The following ARK2N variants were observed in gnomAD, a reference collection of about 807,000 sequenced individuals.
ARK2N encodes protein ARK2N.
the ARK2N span, chr18:46,231,655 G>A: frequency 7.4e-6 from 1 of 135,668 alleles, no homozygotes; most frequent in African/African-American, 2.8e-5. Flanking sequence ...TATTGCTTTT[G>A]TCATTCCCTG....
chr18:46,197,999 T>C, the ARK2N span, among the ~76,000 whole-genome samples: 1 of 152,226 alleles, frequency 6.6e-6, no homozygotes, highest in Middle Eastern at 3.4e-3. Context: ...TCCTACGATA[T>C]TTCCATTTTT....
the ARK2N span, among the ~76,000 whole-genome samples, chr18:46,208,577 C>G: frequency 6.9e-6 from 1 of 143,970 alleles, no homozygotes; most frequent in Non-Finnish European, 1.5e-5. Flanking sequence ...TCAAGCAGTT[C>G]TCCTGCGTCA....
the ARK2N span, among the ~76,000 whole-genome samples, chr18:46,182,486 G>C: frequency 3.9e-5 from 6 of 152,280 alleles, no homozygotes; most frequent in Admixed American, 2.6e-4. Flanking sequence ...GCTCACACCT[G>C]TAATCTCAGC....
chr18:46,225,428 T>C, the ARK2N span, among the ~76,000 whole-genome samples: 1 of 152,354 alleles, frequency 6.6e-6, no homozygotes, highest in East Asian at 1.9e-4. Flanking sequence ...AGAAATAATA[T>C]GCTTTTGCCC....
the ARK2N span, chr18:46,264,604 A>G: frequency 6.5e-6 from 1 of 152,878 alleles, no homozygotes; most frequent in Non-Finnish European, 1.5e-5. Context: ...CCTGCTCTGC[A>G]TAAGGCACTG....
chr18:46,259,487 C>T, the ARK2N span, among the ~76,000 whole-genome samples: 14 of 152,252 alleles, frequency 9.2e-5, no homozygotes, highest in African/African-American at 3.1e-4. Flanking sequence ...CATGATCCGC[C>T]TACCTCGGCC....
At chr18:46,237,540 A>C in the ARK2N span, among the ~76,000 whole-genome samples, 1 of 151,978 alleles carries the variant, frequency 6.6e-6, no homozygotes, top group Non-Finnish European at 1.5e-5. Flanking sequence ...GGTGTGCGCC[A>C]CCACACTCAG....
the ARK2N span, among the ~76,000 whole-genome samples, chr18:46,252,977 C>T: frequency 6.6e-6 from 1 of 152,134 alleles, no homozygotes; most frequent in Non-Finnish European, 1.5e-5. Flanking sequence ...CCCCCAGTGC[C>T]ACAAACTGTT....
the ARK2N span, among the ~76,000 whole-genome samples, chr18:46,184,451 G>A: frequency 6.6e-6 from 1 of 152,110 alleles, no homozygotes; most frequent in African/African-American, 2.4e-5. Flanking sequence ...GCCAGGTGTT[G>A]TGGCTCACAC....
chr18:46,229,324 C>T, the ARK2N span, among the ~76,000 whole-genome samples: 1 of 152,004 alleles, frequency 6.6e-6, no homozygotes, highest in Non-Finnish European at 1.5e-5. Flanking sequence ...ATATTACAGA[C>T]ATTTAAAAAA....
At chr18:46,256,363 T>G in the ARK2N span, among the ~76,000 whole-genome samples, 1 of 152,316 alleles carries the variant, frequency 6.6e-6, no homozygotes, top group East Asian at 1.9e-4. Context: ...ACCACACTTA[T>G]TTTTAGCTTC....
chr18:46,188,294 G>A, the ARK2N span, among the ~76,000 whole-genome samples: 2 of 152,070 alleles, frequency 1.3e-5, no homozygotes, highest in Admixed American at 6.6e-5. Context: ...TCTGCCTCCC[G>A]GGTTCAAGTG....
At chr18:46,200,114 G>A in the ARK2N span, among the ~76,000 whole-genome samples, 1 of 151,870 alleles carries the variant, frequency 6.6e-6, no homozygotes, top group Non-Finnish European at 1.5e-5. Flanking sequence ...TGGGGGCAGA[G>A]GGTGTATTTT....
the ARK2N span, among the ~76,000 whole-genome samples, chr18:46,182,683 C>CTTTTTT: frequency 3.6e-4 from 32 of 87,782 alleles, no homozygotes; most frequent in Non-Finnish European, 4.3e-4. Context: ...AGCCACAGTG[C>CTTTTTT]TTTTTTTTTT....
chr18:46,249,978 C>T, the ARK2N span, among the ~76,000 whole-genome samples: 2 of 152,114 alleles, frequency 1.3e-5, no homozygotes, highest in East Asian at 3.8e-4. Flanking sequence ...CACACCACCA[C>T]GTCTAATTCC....
At chr18:46,236,732 A>G in the ARK2N span, among the ~76,000 whole-genome samples, 1 of 152,350 alleles carries the variant, frequency 6.6e-6, no homozygotes, top group Middle Eastern at 3.4e-3. Flanking sequence ...CAGTTGTTTT[A>G]GTAGCATAGA....
the ARK2N span, among the ~76,000 whole-genome samples, chr18:46,187,217 G>C: frequency 6.6e-6 from 1 of 150,676 alleles, no homozygotes; most frequent in African/African-American, 2.4e-5. Flanking sequence ...GGGAGGCAGA[G>C]GTTGCAGTGA....
chr18:46,204,930 T>C, the ARK2N span, among the ~76,000 whole-genome samples: 2 of 12,896 alleles, frequency 1.6e-4, no homozygotes, highest in Non-Finnish European at 4.8e-4. Flanking sequence ...TTCTTTTTTC[T>C]TTTTTTTTTT....
At chr18:46,207,094 T>C in the ARK2N span, among the ~76,000 whole-genome samples, 4 of 152,164 alleles carry the variant, frequency 2.6e-5, no homozygotes, top group Non-Finnish European at 2.9e-5. Flanking sequence ...CTGATTTCAG[T>C]GTACACATAA....
Sources: allele counts gnomAD v4.1 joint callset (sites outside exome capture counted in the v4.1 genomes callset), GRCh38; gene constraint gnomAD v4.1.1; transcripts MANE v1.5; gene names NCBI Gene and HGNC (gene_info 2026-07-23, HGNC 2026-07-21).